Variants in TSC22D1 observed in about 807,000 individuals in gnomAD.
The protein encoded by TSC22D1 is TSC22 domain family protein 1.
TSC22D1 carries 9 observed loss-of-function variants against 74.2 expected under a neutral mutation model. The ratio of observed to expected loss-of-function variants is 0.12; its 90% CI spans 0.07 to 0.21. The LOEUF is 0.21. Ranked by LOEUF, TSC22D1 falls within the 10% of genes least tolerant of loss-of-function variation. TSC22D1 has a pLI of 1.00. For missense variants in TSC22D1, 1,427 were observed against 1,304.7 expected (o/e 1.09, Z -1.44); for synonymous variants, 586 against 492.5 (o/e 1.19, Z -2.51).
chr13:44,544,270 AT>A (rs1473419370), intron 1 of TSC22D1, among the ~76,000 whole-genome samples: 1 of 151,900 alleles, frequency 6.6e-6, no homozygotes, highest in East Asian at 1.9e-4. Flanking sequence ...TTTTTCAGAG[AT>A]TTAAAAGTAG....
rs1335922887 is a variant in TSC22D1 at position 44,433,967 on chromosome 13, AC to A, written c.*658del. 1.3e-6 allele frequency: 2 copies of A among 1,532,810 alleles called. No individual in the cohort carries two copies. The highest frequency in any genetic ancestry group is 1.7e-6 in the Non-Finnish European group (2 of 1,145,720). The allele number at this position is 1,532,810 out of a possible 1,614,324, so 95.0% of individuals were successfully genotyped here. A position where few individuals can be genotyped will look rare whatever the true frequency, so the allele number is the denominator to read the frequency against. On this transcript the variant is annotated 3_prime_UTR_variant, in exon 3 of 3. Transcript: ENST00000458659. ...CTCTATTGTACAAAATAGTTACACT[AC>A]ATACACAAATATACAATAAGCAAAA...
At chr13:44,492,153 A>G (rs778832072) in intron 1 of TSC22D1, among the ~76,000 whole-genome samples, 1 of 152,150 alleles carries the variant, frequency 6.6e-6, no homozygotes, top group Non-Finnish European at 1.5e-5. Flanking sequence ...TTATAAACCC[A>G]TCATATGTTA....
chr13:44,439,535 G>C (rs1164544081), intron 1 of TSC22D1, among the ~76,000 whole-genome samples: 3 of 152,218 alleles, frequency 2.0e-5, no homozygotes, highest in Non-Finnish European at 4.4e-5. Flanking sequence ...CCATATGTCT[G>C]GTGCCTCATC....
intron 1 of TSC22D1, among the ~76,000 whole-genome samples, chr13:44,503,734 T>G (rs1223779851): frequency 6.6e-6 from 1 of 152,096 alleles, no homozygotes; most frequent in East Asian, 1.9e-4. Flanking sequence ...AGTTGATGAG[T>G]AGGTCATTTT....
At chr13:44,536,695 A>T in intron 1 of TSC22D1, 1 of 962,616 alleles carries the variant, frequency 1.0e-6, no homozygotes, top group Non-Finnish European at 1.2e-6. Flanking sequence ...GCATTAAAAG[A>T]CTTGGTCAAA....
At chr13:44,541,682 T>G (rs1411683770) in intron 1 of TSC22D1, among the ~76,000 whole-genome samples, 1 of 152,132 alleles carries the variant, frequency 6.6e-6, no homozygotes, top group African/African-American at 2.4e-5. Flanking sequence ...TGATGGATGA[T>G]AAGAAGAAAG....
rs147051393 is a variant in TSC22D1, at chr13:44,432,282, A to G, written c.*2344T>C. ...AAAAAAACTTCTCCACCATCTTAAT[A>G]CACTGACATGAGATTTTTCAAATTT... On this transcript the variant is annotated 3_prime_UTR_variant, in exon 3 of 3. Coordinates refer to ENST00000458659, the MANE Select transcript of TSC22D1 (RefSeq NM_183422.4). 6.6e-6 allele frequency: 1 copy of G among 152,214 alleles called. No homozygotes were observed. Among genetic ancestry groups the G allele is most frequent in the Non-Finnish European group, 1.5e-5 (1 of 68,028 alleles). The allele number at this position is 152,214 out of a possible 1,614,324, so 9.4% of individuals were successfully genotyped here.
intron 1 of TSC22D1, among the ~76,000 whole-genome samples, chr13:44,545,655 T>C (rs1432004725): frequency 6.6e-6 from 1 of 151,310 alleles, no homozygotes; most frequent in East Asian, 1.9e-4. Flanking sequence ...GTTACGTTCA[T>C]AAGAGTGCAC....
At chr13:44,470,424 C>T (rs908469507) in intron 1 of TSC22D1, among the ~76,000 whole-genome samples, 4 of 152,140 alleles carry the variant, frequency 2.6e-5, no homozygotes, top group Middle Eastern at 3.2e-3. Flanking sequence ...AATAGATTCG[C>T]GTCTGGCCAC....
chr13:44,569,180 C>T (rs1256163343), intron 1 of TSC22D1, among the ~76,000 whole-genome samples: 1 of 152,042 alleles, frequency 6.6e-6, no homozygotes. Context: ...CTACTATTGT[C>T]ATCATTTTTT....
Position 44,574,823 on chromosome 13 carries a change from G to T in TSC22D1, c.1252C>A (p.Pro418Thr). The T allele has an allele frequency of 1.9e-6, 3 of 1,613,998 alleles. No individual in the cohort carries two copies. The highest frequency in any genetic ancestry group is 2.5e-6 in the Non-Finnish European group (3 of 1,180,022). The stretch of plus-strand genomic sequence containing the variant: ...CAAGTCCATCTACCTTTTTTAAAGG[G>T]CTCAGAACTAGAATCTAACTTCACA... ...RVVKLDSSSE[P>T]FKKGRWTCTE... The change falls in exon 1 of 3, where the codon CCC becomes ACC. Residue 418 changes from proline (P) to threonine (T), a missense_variant. Pro to Thr is a conservative substitution (Grantham distance 38). Transcript: ENST00000458659.
chr13:44,454,404 A>AGT (rs1876395786), intron 1 of TSC22D1, among the ~76,000 whole-genome samples: 2 of 152,134 alleles, frequency 1.3e-5, no homozygotes, highest in Admixed American at 1.3e-4. Context: ...TAAGTTAGGA[A>AGT]GTATAACGGT....
intron 1 of TSC22D1, chr13:44,436,983 C>A (rs555832243): frequency 1.7e-5 from 17 of 1,002,542 alleles, no homozygotes; most frequent in Admixed American, 5.9e-5. Context: ...CCGCCTCCCC[C>A]CACCCCCACC....
At chr13:44,533,157 T>A (rs1293223853) in intron 1 of TSC22D1, among the ~76,000 whole-genome samples, 2 of 152,116 alleles carry the variant, frequency 1.3e-5, no homozygotes, top group Admixed American at 6.5e-5. Flanking sequence ...CCAGGCATGG[T>A]GGTTCACTTG....
At chr13:44,554,213 T>C (rs1882473023) in intron 1 of TSC22D1, among the ~76,000 whole-genome samples, 1 of 152,164 alleles carries the variant, frequency 6.6e-6, no homozygotes, top group African/African-American at 2.4e-5. Flanking sequence ...ACATAACAGC[T>C]ATGGAAATCA....
At chr13:44,444,694 C>T (rs990183340) in intron 1 of TSC22D1, among the ~76,000 whole-genome samples, 12 of 151,872 alleles carry the variant, frequency 7.9e-5, no homozygotes, top group East Asian at 3.8e-4. Context: ...AAAATACACA[C>T]GTCTAAGTAA....
intron 1 of TSC22D1, among the ~76,000 whole-genome samples, chr13:44,492,197 C>T (rs1296346921): frequency 1.3e-5 from 2 of 149,100 alleles, no homozygotes; most frequent in Admixed American, 1.3e-4. Flanking sequence ...AGTTAAATAG[C>T]TAGCTTACTG....
intron 1 of TSC22D1, among the ~76,000 whole-genome samples, chr13:44,512,585 T>C (rs1345577494): frequency 6.6e-6 from 1 of 152,186 alleles, no homozygotes; most frequent in Non-Finnish European, 1.5e-5. Flanking sequence ...GAAAATCAGA[T>C]TATCTTCATC....
intron 1 of TSC22D1, among the ~76,000 whole-genome samples, chr13:44,442,529 G>A (rs1163793899): frequency 6.6e-6 from 1 of 152,120 alleles, no homozygotes; most frequent in Non-Finnish European, 1.5e-5. Flanking sequence ...CACTAGATGA[G>A]ATTAACAGTA....
Sources: allele counts gnomAD v4.1 joint callset (sites outside exome capture counted in the v4.1 genomes callset), GRCh38; gene constraint gnomAD v4.1.1; transcripts MANE v1.5; gene names NCBI Gene and HGNC (gene_info 2026-07-23, HGNC 2026-07-21).